The following FAM133B variants were observed in gnomAD, a reference collection of about 807,000 sequenced individuals.
FAM133B encodes the protein protein FAM133B.
FAM133B carries 25 observed loss-of-function variants against 46.4 expected under a neutral mutation model. The ratio of observed to expected loss-of-function variants is 0.54; its 90% CI spans 0.39 to 0.75. The LOEUF (loss-of-function observed/expected upper bound fraction) is 0.75. Ranked by LOEUF, FAM133B falls within the 30% of genes least tolerant of loss-of-function variation. The pLI is 0.00. For missense variants in FAM133B, 205 were observed against 277.6 expected (o/e 0.74, Z 1.86); for synonymous variants, 75 against 86.0 (o/e 0.87, Z 0.71).
At chr7:92,589,134 G>C (rs1172021515) in intron 1 of FAM133B, among the ~76,000 whole-genome samples, 1 of 152,220 alleles carries the variant, frequency 6.6e-6, no homozygotes, top group Admixed American at 6.5e-5. Flanking sequence ...AAGAAACGTA[G>C]CACATTCGTT....
rs1236013273 is a variant in FAM133B, at chr7:92,567,780, T to C, written c.610-1719A>G. 3.9e-5 allele frequency among the ~76,000 whole-genome samples: 6 copies of C among 152,288 alleles called. No homozygotes were observed. In the East Asian group the frequency reaches 9.6e-4, roughly 24 times the overall value. Reference sequence around the variant, plus strand: ...AATACAGAAACTAAAATTTTTTTTTTTTTGACAAAGTCTCGCTCTGTTGCC... The same window carrying C: ...AATACAGAAACTAAAATTTTTTTTTCTTTGACAAAGTCTCGCTCTGTTGCC... On this transcript the variant is annotated intron_variant, in intron 9 of 10. Coordinates refer to ENST00000445716, the MANE Select transcript of FAM133B (RefSeq NM_152789.4).
intron 1 of FAM133B, chr7:92,581,878 A>C (rs1159958483): frequency 1.6e-5 from 5 of 304,574 alleles, no homozygotes; most frequent in Non-Finnish European, 3.1e-5. Flanking sequence ...TGACCTACTG[A>C]TGGCTTTACA....
intron 9 of FAM133B, among the ~76,000 whole-genome samples, chr7:92,567,513 G>A (rs1299013303): frequency 6.6e-6 from 1 of 152,076 alleles, no homozygotes; most frequent in Non-Finnish European, 1.5e-5. Flanking sequence ...TTAAGCACTA[G>A]AGATCACAAG....
intron 3 of FAM133B, 82 bp downstream of exon 3, chr7:92,579,235 T>C: frequency 2.4e-6 from 3 of 1,264,994 alleles, no homozygotes; most frequent in Non-Finnish European, 3.3e-6. Flanking sequence ...CGTTTCGGCC[T>C]CCCAAAGTGC....
chr7:92,588,891 C>T (rs555134166), intron 1 of FAM133B, among the ~76,000 whole-genome samples: 1 of 152,286 alleles, frequency 6.6e-6, no homozygotes, highest in East Asian at 1.9e-4. Context: ...GTAACAGCTC[C>T]CTGAGGCCTC....
At chr7:92,572,950 C>T (rs1794576736) in intron 8 of FAM133B, among the ~76,000 whole-genome samples, 2 of 151,688 alleles carry the variant, frequency 1.3e-5, no homozygotes, top group African/African-American at 4.8e-5. Context: ...TGAAAAGAAA[C>T]AAGTTTCAGA....
chr7:92,578,126 G>C, intron 5 of FAM133B, 24 bp downstream of exon 5: 1 of 1,598,862 alleles, frequency 6.3e-7, no homozygotes, highest in Non-Finnish European at 8.5e-7. Flanking sequence ...GTAACGTTTA[G>C]AAAAATGGAA....
chr7:92,573,896 A>G (rs1281870497), intron 8 of FAM133B, among the ~76,000 whole-genome samples: 1 of 151,902 alleles, frequency 6.6e-6, no homozygotes, highest in African/African-American at 2.4e-5. Flanking sequence ...TTTTAAATTT[A>G]GATGCAGGGT....
chr7:92,590,301 T>A lies in FAM133B; in HGVS notation c.-10A>T. On this transcript the variant is annotated 5_prime_UTR_variant, in exon 1 of 11. Transcript: ENST00000445716. The stretch of plus-strand genomic sequence containing the variant: ...TGTCCCGCTTCCCCATGGTGCTGGA[T>A]CGAGCGCACAGTAGCACGCCGAGGG... 6.2e-7 allele frequency: 1 copy of A among 1,613,746 alleles called. No individual in the cohort carries two copies. The highest frequency in any genetic ancestry group is 8.5e-7 in the Non-Finnish European group (1 of 1,179,734).
At chr7:92,581,751 A>T in intron 1 of FAM133B, 148 bp from the exon 2 acceptor site, 1 of 615,010 alleles carries the variant, frequency 1.6e-6, no homozygotes, top group Non-Finnish European at 2.8e-6. Context: ...TTCTAAAAAA[A>T]TTAATTTAAT....
chr7:92,574,862 G>A (rs998412270), intron 8 of FAM133B, among the ~76,000 whole-genome samples: 18 of 149,518 alleles, frequency 1.2e-4, no homozygotes, highest in Non-Finnish European at 2.1e-4. Context: ...CCGAGATTGC[G>A]CCACTGCAGT....
intron 1 of FAM133B, among the ~76,000 whole-genome samples, chr7:92,584,647 T>C (rs1359535729): frequency 6.6e-6 from 1 of 152,254 alleles, no homozygotes; most frequent in African/African-American, 2.4e-5. Context: ...CATATTGTTA[T>C]ATTTTTTGTA....
chr7:92,578,019 A>G, intron 5 of FAM133B, 131 bp downstream of exon 5: 1 of 816,206 alleles, frequency 1.2e-6, no homozygotes, highest in Non-Finnish European at 1.9e-6. Context: ...CTTCACAATC[A>G]AAGAACCTCT....
At chr7:92,566,178 A>G in intron 9 of FAM133B, 117 bp from the exon 10 acceptor site, 1 of 903,768 alleles carries the variant, frequency 1.1e-6, no homozygotes, top group Middle Eastern at 3.3e-4. Context: ...AAACATTTTG[A>G]CAATCACAGG....
intron 10 of FAM133B, 128 bp downstream of exon 10, chr7:92,565,886 C>T: frequency 2.1e-6 from 2 of 963,572 alleles, no homozygotes; most frequent in African/African-American, 3.3e-5. Context: ...AGCTGCTGAA[C>T]ACACCACACC....
In FAM133B at chr7:92,590,374, T is replaced by G. The variant is rs963014770; in HGVS notation, c.-83A>C. On this transcript the variant is annotated 5_prime_UTR_variant, in exon 1 of 11. Transcript: ENST00000445716. ...GAAGAGGGCCTGCCGCAGGTCCTCT[T>G]GCCGCCTCCCCACTCCGCCTAGAGA... 7.5e-6 allele frequency: 12 copies of G among 1,599,576 alleles called. No individual in the cohort carries two copies. The South Asian group carries it at 7.8e-5, about 10-fold the overall frequency.
intron 5 of FAM133B, 55 bp from the exon 6 acceptor site, chr7:92,577,772 T>C: frequency 7.0e-7 from 1 of 1,432,298 alleles, no homozygotes; most frequent in Non-Finnish European, 9.5e-7. Flanking sequence ...GTTTTTCTTT[T>C]ACAAAGTCTC....
intron 1 of FAM133B, among the ~76,000 whole-genome samples, chr7:92,586,206 C>T (rs1229257646): frequency 6.6e-6 from 1 of 152,180 alleles, no homozygotes; most frequent in Non-Finnish European, 1.5e-5. Context: ...CTTTTGACCA[C>T]AAACACTATC....
intron 2 of FAM133B, among the ~76,000 whole-genome samples, 179 bp downstream of exon 2, chr7:92,581,327 T>C (rs1260918204): frequency 6.6e-6 from 1 of 152,244 alleles, no homozygotes; most frequent in Non-Finnish European, 1.5e-5. Context: ...TTCTTAAATG[T>C]TTGCTTTATA....
Sources: gnomAD v4.1 joint callset for allele counts (sites outside exome capture counted in the v4.1 genomes callset) on GRCh38, gnomAD v4.1.1 for gene constraint, MANE v1.5 for transcripts, NCBI Gene and HGNC (gene_info 2026-07-23, HGNC 2026-07-21) for gene names.